The following CDC14A variants were observed in gnomAD, a reference collection of about 807,000 sequenced individuals.
The protein encoded by CDC14A is dual specificity protein phosphatase CDC14A.
Under a neutral mutation model 74.4 loss-of-function variants are expected in CDC14A, and 53 were observed. The observed-to-expected ratio is 0.71, with a 90% confidence interval of 0.57 to 0.89. The LOEUF is 0.89. Ranked by LOEUF, CDC14A falls within the 40% of genes least tolerant of loss-of-function variation. CDC14A has a pLI of 0.00. For missense variants in CDC14A, 646 were observed against 713.7 expected (o/e 0.91, Z 1.08); for synonymous variants, 247 against 258.4 (o/e 0.96, Z 0.43).
chr1:100,443,170 A>G lies in CDC14A; in HGVS notation c.519+174A>G, dbSNP rs6687508. The G allele has an allele frequency of 0.012, 6,110 of 524,912 alleles. 320 individuals carry two copies. The highest frequency in any genetic ancestry group is 0.11 in the African/African-American group (5,556 of 50,520). 32.5% of individuals were successfully genotyped at this position (524,912 alleles called of 1,614,324 possible). A position where few individuals can be genotyped will look rare whatever the true frequency, so the allele number is the denominator to read the frequency against. ...GGTTATTTCCTTTGAATCAGGAGTC[A>G]CCAAAATTTTATTTTGGAAAAACAA... is the stretch of plus-strand genomic sequence containing the variant. On this transcript the variant is annotated intron_variant, in intron 7 of 15. Transcript: ENST00000336454.
Position 100,424,211 on chromosome 1 carries a change from A to G in CDC14A, c.310-11A>G, listed in dbSNP as rs754715090. ...TTGGGTGTTCTAAATGTTACTATTT[A>G]TCTGTCTTAGGTAATCTATTTAAAG... On this transcript the variant is annotated splice_polypyrimidine_tract_variant and intron_variant, in intron 4 of 15. Coordinates refer to ENST00000336454, the MANE Select transcript of CDC14A (RefSeq NM_003672.4). 4 of 1,596,544 alleles carry G rather than the reference A, an allele frequency of 2.5e-6. No homozygotes were observed. The highest frequency in any genetic ancestry group is 2.2e-5 in the South Asian group (2 of 90,686).
intron 10 of CDC14A, among the ~76,000 whole-genome samples, chr1:100,470,744 A>G (rs1209559624): frequency 4.6e-5 from 7 of 152,324 alleles, no homozygotes; most frequent in East Asian, 3.9e-4. Context: ...TGAAACCACA[A>G]TGAGATACTA....
At chr1:100,500,811 A>AGTGTGT (rs58424420) in intron 15 of CDC14A, among the ~76,000 whole-genome samples, 1,775 of 131,278 alleles carry the variant, frequency 0.014, 35 homozygotes, top group African/African-American at 0.041. Context: ...ATGAGAATGC[A>AGTGTGT]GTGTGTGTGT....
At chr1:100,429,420 T>C (rs1663366458) in intron 5 of CDC14A, among the ~76,000 whole-genome samples, 1 of 151,198 alleles carries the variant, frequency 6.6e-6, no homozygotes, top group South Asian at 2.1e-4. Flanking sequence ...GAACATTCGA[T>C]GTCTTATCCC....
At chr1:100,376,669 T>A (rs949391253) in intron 2 of CDC14A, among the ~76,000 whole-genome samples, 4 of 152,176 alleles carry the variant, frequency 2.6e-5, no homozygotes, top group African/African-American at 7.2e-5. Flanking sequence ...ATTCATGATG[T>A]TGGCTAAGAG....
In CDC14A at chr1:100,422,852, A is replaced by G. The variant is rs552408063; in HGVS notation, c.310-1370A>G. Reference sequence around the variant, plus strand: ...ACTCGTTTTCTAGTCCTGAAATATTAATAAGTAAACATGTAATATATTCCT... The same window carrying G: ...ACTCGTTTTCTAGTCCTGAAATATTGATAAGTAAACATGTAATATATTCCT... On this transcript the variant is annotated intron_variant, in intron 4 of 15. Coordinates refer to ENST00000336454, the MANE Select transcript of CDC14A (RefSeq NM_003672.4). 2.7e-4 allele frequency among the ~76,000 whole-genome samples: 41 copies of G among 152,354 alleles called. No homozygotes were observed. In the South Asian group the frequency reaches 3.5e-3, roughly 13 times the overall value.
intron 7 of CDC14A, among the ~76,000 whole-genome samples, chr1:100,444,110 T>TA (rs1373976133): frequency 4.6e-5 from 7 of 152,236 alleles, no homozygotes; most frequent in African/African-American, 1.7e-4. Flanking sequence ...GCTTTGTGTG[T>TA]GTTACCACAT....
At chr1:100,360,034 C>T (rs1270021791) in intron 2 of CDC14A, among the ~76,000 whole-genome samples, 2 of 150,736 alleles carry the variant, frequency 1.3e-5, no homozygotes, top group African/African-American at 4.9e-5. Context: ...CCTCCGCCTC[C>T]TGGGTTCAAC....
At chr1:100,498,889 T>C in intron 14 of CDC14A, 40 bp from the exon 15 acceptor site, 1 of 1,577,104 alleles carries the variant, frequency 6.3e-7, no homozygotes, top group Non-Finnish European at 8.6e-7. Flanking sequence ...TTGTACATTG[T>C]TGTCTGTTTT....
chr1:100,417,394 C>T (rs368105087), intron 4 of CDC14A, among the ~76,000 whole-genome samples: 2 of 152,062 alleles, frequency 1.3e-5, no homozygotes, highest in South Asian at 2.1e-4. Context: ...AAATTGTAAG[C>T]GTTAAGTAAA....
intron 1 of CDC14A, among the ~76,000 whole-genome samples, chr1:100,346,036 G>A (rs1374345866): frequency 6.6e-6 from 1 of 151,866 alleles, no homozygotes; most frequent in Non-Finnish European, 1.5e-5. Flanking sequence ...CTGGGTGTGG[G>A]GGTGGGCACC....
intron 10 of CDC14A, among the ~76,000 whole-genome samples, chr1:100,473,702 T>C (rs1347756063): frequency 6.6e-6 from 1 of 152,216 alleles, no homozygotes; most frequent in Non-Finnish European, 1.5e-5. Context: ...TTGATTTTTC[T>C]GTTTATTTTG....
chr1:100,481,618 A>G (rs1055571098), intron 10 of CDC14A, among the ~76,000 whole-genome samples: 1 of 152,194 alleles, frequency 6.6e-6, no homozygotes, highest in African/African-American at 2.4e-5. Context: ...TGGCTAGCCT[A>G]AACCCAACTA....
intron 2 of CDC14A, among the ~76,000 whole-genome samples, chr1:100,370,957 A>G (rs1465961601): frequency 6.6e-6 from 1 of 151,924 alleles, no homozygotes; most frequent in Non-Finnish European, 1.5e-5. Flanking sequence ...ATGTTTTTTC[A>G]TTTGTGTTGT....
intron 3 of CDC14A, 68 bp from the exon 4 acceptor site, chr1:100,390,664 G>A: frequency 1.0e-6 from 1 of 968,474 alleles, no homozygotes; most frequent in Non-Finnish European, 1.6e-6. Context: ...AAGAGATGAT[G>A]TTTGCCTTCT....
chr1:100,456,895 C>G (rs1666754071), intron 8 of CDC14A, among the ~76,000 whole-genome samples: 1 of 152,178 alleles, frequency 6.6e-6, no homozygotes, highest in South Asian at 2.1e-4. Context: ...GATCTTCTTA[C>G]TTATAAGCTT....
intron 7 of CDC14A, 150 bp downstream of exon 7, chr1:100,443,146 G>T (rs1665157065): frequency 1.7e-6 from 1 of 575,134 alleles, no homozygotes. Context: ...TTCAGCCTTG[G>T]TTATTTCCTT....
intron 10 of CDC14A, among the ~76,000 whole-genome samples, chr1:100,477,820 CAG>C (rs1249631563): frequency 1.3e-5 from 2 of 152,166 alleles, no homozygotes; most frequent in Non-Finnish European, 2.9e-5. Flanking sequence ...AAAAGTCAAT[CAG>C]TGCTTTTTAG....
At chr1:100,463,418 A>G (rs1280317544) in intron 9 of CDC14A, among the ~76,000 whole-genome samples, 2 of 152,134 alleles carry the variant, frequency 1.3e-5, no homozygotes, top group Non-Finnish European at 2.9e-5. Flanking sequence ...CTAGCTTACA[A>G]TGCTGCTGAT....
Sources: gnomAD v4.1 joint callset for allele counts (sites outside exome capture counted in the v4.1 genomes callset) on GRCh38, gnomAD v4.1.1 for gene constraint, MANE v1.5 for transcripts, NCBI Gene and HGNC (gene_info 2026-07-23, HGNC 2026-07-21) for gene names.